The following NDST3 variants were observed in gnomAD, a reference collection of about 807,000 sequenced individuals.
NDST3 encodes bifunctional heparan sulfate N-deacetylase/N-sulfotransferase 3.
NDST3 carries 58 observed loss-of-function variants against 96.1 expected under a neutral mutation model. The ratio of observed to expected loss-of-function variants is 0.60; its 90% CI spans 0.49 to 0.75. The LOEUF is 0.75. Ranked by LOEUF, NDST3 falls within the 30% of genes least tolerant of loss-of-function variation. The probability of loss-of-function intolerance (pLI) is 0.00; values close to 1 mark genes in which losing one functional copy is unlikely to be tolerated. For missense variants in NDST3, 788 were observed against 1,034.2 expected (o/e 0.76, Z 3.27); for synonymous variants, 333 against 359.7 (o/e 0.93, Z 0.84).
chr4:118,086,407 T>G (rs2125824777), intron 2 of NDST3, among the ~76,000 whole-genome samples: 1 of 152,282 alleles, frequency 6.6e-6, no homozygotes. Context: ...AACCTTCAAT[T>G]TAATCCATTT....
intron 2 of NDST3, among the ~76,000 whole-genome samples, chr4:118,083,717 A>T (rs1728199897): frequency 6.6e-6 from 1 of 152,078 alleles, no homozygotes; most frequent in Non-Finnish European, 1.5e-5. Flanking sequence ...GTATTATTTC[A>T]TTCCTTCTTA....
intron 6 of NDST3, among the ~76,000 whole-genome samples, chr4:118,173,082 C>A (rs891146895): frequency 2.0e-5 from 3 of 151,812 alleles, no homozygotes; most frequent in Non-Finnish European, 2.9e-5. Context: ...GTGCTACATG[C>A]TTTCATAAAT....
At chr4:118,149,558 T>C (rs527898577) in intron 6 of NDST3, among the ~76,000 whole-genome samples, 1,766 of 147,498 alleles carry the variant, frequency 0.012, 36 homozygotes, top group African/African-American at 0.04. Flanking sequence ...TCTCTGTTTG[T>C]CTGTTGTTGG....
intron 4 of NDST3, among the ~76,000 whole-genome samples, chr4:118,132,235 T>G (rs1212044645): frequency 2.0e-5 from 3 of 152,174 alleles, no homozygotes; most frequent in African/African-American, 4.8e-5. Flanking sequence ...GAAATTTGCC[T>G]GACATTCTGT....
chr4:118,078,529 A>G (rs2125813633), intron 2 of NDST3, among the ~76,000 whole-genome samples: 1 of 152,262 alleles, frequency 6.6e-6, no homozygotes, highest in Middle Eastern at 3.4e-3. Flanking sequence ...AGGTGGGTGG[A>G]TCACGAGGGT....
chr4:118,111,192 T>C (rs72674164), intron 3 of NDST3, among the ~76,000 whole-genome samples: 1 of 152,084 alleles, frequency 6.6e-6, no homozygotes, highest in Non-Finnish European at 1.5e-5. Context: ...AGAGTAAAGG[T>C]TGAAAAACTA....
chr4:118,179,143 C>T (rs994740064), intron 6 of NDST3, among the ~76,000 whole-genome samples: 1 of 151,930 alleles, frequency 6.6e-6, no homozygotes, highest in Admixed American at 6.6e-5. Flanking sequence ...AATAGACAAA[C>T]CTGACCTTTG....
intron 7 of NDST3, among the ~76,000 whole-genome samples, chr4:118,226,033 A>G (rs1234731348): frequency 2.0e-5 from 3 of 151,824 alleles, no homozygotes; most frequent in Non-Finnish European, 4.4e-5. Flanking sequence ...GAATACTCTC[A>G]CTTTAGTCTT....
chr4:118,159,816 T>G lies in NDST3; in HGVS notation c.1539+16132T>G, dbSNP rs534980992. Among the ~76,000 whole-genome samples the G allele has an allele frequency of 7.2e-4, 109 of 152,230 alleles. 1 individual carries two copies. Among genetic ancestry groups the G allele is most frequent in the African/African-American group, 2.6e-3 (106 of 41,556 alleles). On this transcript the variant is annotated intron_variant, in intron 6 of 13. Coordinates refer to ENST00000296499, the MANE Select transcript of NDST3 (RefSeq NM_004784.3). ...GTTTTAATAGCAAACATGATTAAGC[T>G]GAAGAAAGAATCAGGGAACTTGAAG...
intron 10 of NDST3, among the ~76,000 whole-genome samples, chr4:118,239,600 G>A (rs1194652247): frequency 6.6e-6 from 1 of 152,138 alleles, no homozygotes; most frequent in Non-Finnish European, 1.5e-5. Context: ...ATTGGAGCTT[G>A]GCAACCACTT....
At chr4:118,187,452 T>C (rs1013830394) in intron 6 of NDST3, among the ~76,000 whole-genome samples, 4 of 151,908 alleles carry the variant, frequency 2.6e-5, no homozygotes, top group Non-Finnish European at 5.9e-5. Context: ...ATCCATGATG[T>C]ACCTTAAGAG....
rs916359425 is a variant in NDST3 at position 118,037,940 on chromosome 4, C to T, written c.-156+3348C>T. Among the ~76,000 whole-genome samples the T allele has an allele frequency of 3.3e-5, 5 of 152,144 alleles. No homozygotes were observed. In the East Asian group the frequency reaches 9.6e-4, roughly 29 times the overall value. On this transcript the variant is annotated intron_variant, in intron 1 of 13. Transcript: ENST00000296499. ...TATTTTTTCATTATTCGTTTCTACTCTTTTTGCATCATCTTCTCTCTGCAG... is the reference window on the plus strand; with the variant it reads ...TATTTTTTCATTATTCGTTTCTACTTTTTTTGCATCATCTTCTCTCTGCAG...
chr4:118,108,260 G>A (rs1730364256), intron 3 of NDST3, among the ~76,000 whole-genome samples: 1 of 152,182 alleles, frequency 6.6e-6, no homozygotes, highest in Admixed American at 6.5e-5. Context: ...GTGAAGAAGA[G>A]AATTTGAGAA....
intron 6 of NDST3, among the ~76,000 whole-genome samples, chr4:118,222,661 G>A (rs1739629991): frequency 6.6e-6 from 1 of 151,958 alleles, no homozygotes; most frequent in Non-Finnish European, 1.5e-5. Context: ...TCTTTTACAG[G>A]ACTAAGTTCA....
At chr4:118,233,799 T>A (rs1340466754) in intron 9 of NDST3, among the ~76,000 whole-genome samples, 2 of 152,202 alleles carry the variant, frequency 1.3e-5, no homozygotes, top group African/African-American at 4.8e-5. Context: ...GCTATGAAGG[T>A]ATAATGCTGA....
intron 2 of NDST3, among the ~76,000 whole-genome samples, chr4:118,073,595 T>G (rs1179448343): frequency 6.6e-6 from 1 of 152,102 alleles, no homozygotes; most frequent in Admixed American, 6.6e-5. Flanking sequence ...TGATTCTGCT[T>G]ATTCGGATCT....
chr4:118,231,691 T>C (rs1740304563), intron 8 of NDST3, among the ~76,000 whole-genome samples: 1 of 152,136 alleles, frequency 6.6e-6, no homozygotes, highest in South Asian at 2.1e-4. Context: ...TGTATAACAG[T>C]GTAAATAATA....
chr4:118,060,451 T>G (rs1382710336), intron 2 of NDST3, among the ~76,000 whole-genome samples: 1 of 152,110 alleles, frequency 6.6e-6, no homozygotes, highest in African/African-American at 2.4e-5. Flanking sequence ...GTCTTTGCAC[T>G]GTAAATTAGC....
chr4:118,173,149 T>TGC (rs1487977093), intron 6 of NDST3, among the ~76,000 whole-genome samples: 1 of 148,984 alleles, frequency 6.7e-6, no homozygotes, highest in Non-Finnish European at 1.5e-5. Context: ...TGTGTGTGTG[T>TGC]GTGTGTATAT....
Sources: allele counts gnomAD v4.1 joint callset (sites outside exome capture counted in the v4.1 genomes callset), GRCh38; gene constraint gnomAD v4.1.1; transcripts MANE v1.5; gene names NCBI Gene and HGNC (gene_info 2026-07-23, HGNC 2026-07-21).